Variants in KCNN1 observed in about 807,000 individuals in gnomAD.
KCNN1 encodes small conductance calcium-activated potassium channel protein 1.
In KCNN1, 20 loss-of-function variants were observed where a neutral mutation model predicts 44.7. That is an observed-to-expected ratio of 0.45 (90% CI 0.32 to 0.65). KCNN1 has a LOEUF of 0.65. Among genes scored for constraint, KCNN1 ranks in the 30% least tolerant of loss-of-function variants. KCNN1 has a pLI of 0.05. For synonymous variants in KCNN1, 324 were observed against 341.7 expected, an observed-to-expected ratio of 0.95 and a Z score of 0.57; for missense variants, 632 against 785.3, an observed-to-expected ratio of 0.80 and a Z score of 2.33.
At chr19:17,967,953 G>T (rs1289071607) in intron 1 of KCNN1, among the ~76,000 whole-genome samples, 1 of 151,976 alleles carries the variant, frequency 6.6e-6, no homozygotes, top group East Asian at 1.9e-4. Flanking sequence ...GGGTGGTGAT[G>T]GGGGGATCGG....
intron 5 of KCNN1, among the ~76,000 whole-genome samples, chr19:17,986,350 T>G (rs1599370152): frequency 1.4e-5 from 2 of 140,486 alleles, no homozygotes; most frequent in East Asian, 4.1e-4. Flanking sequence ...GCAACCAGAG[T>G]GAACTAAGTC....
At chr19:17,967,708 T>TCA (rs1308631588) in intron 1 of KCNN1, among the ~76,000 whole-genome samples, 3 of 151,756 alleles carry the variant, frequency 2.0e-5, no homozygotes, top group Non-Finnish European at 4.4e-5. Context: ...GTTGGGGCAC[T>TCA]CAGGGAGGGG....
intron 9 of KCNN1, among the ~76,000 whole-genome samples, chr19:17,997,481 C>T (rs1261656910): frequency 2.6e-5 from 4 of 152,322 alleles, no homozygotes; most frequent in South Asian, 2.1e-4. Context: ...TTTCCCAGGC[C>T]TGCCAGCCCT....
At chr19:17,990,410 C>T (rs988768422) in intron 7 of KCNN1, among the ~76,000 whole-genome samples, 6 of 148,432 alleles carry the variant, frequency 4.0e-5, no homozygotes, top group Admixed American at 6.8e-5. Context: ...CTTGAGTCTG[C>T]AGGGTCAAGG....
intron 2 of KCNN1, among the ~76,000 whole-genome samples, chr19:17,958,960 A>G (rs894313831): frequency 9.3e-5 from 14 of 150,040 alleles, no homozygotes; most frequent in African/African-American, 3.5e-4. Flanking sequence ...TCGGCCTCCT[A>G]AAGTGCTGGG....
At position 17,981,842 on chromosome 19, in the gene KCNN1, C is replaced by T. The variant is rs1472788786; in HGVS notation, c.632C>T (p.Ala211Val). 2.5e-6 allele frequency: 4 copies of T among 1,612,640 alleles called. No individual in the cohort carries two copies. The highest frequency in any genetic ancestry group is 2.2e-5 in the South Asian group (2 of 90,932). ...VPGHYRFTWT[A>V]RLAFTYAPSV... The stretch of plus-strand genomic sequence containing the variant: ...GGCCACTACCGCTTCACGTGGACGG[C>T]GCGGCTGGCCTTCACGTACGCGCCC... The change falls in exon 4 of 10, where the codon GCG becomes GTG. Residue 211 changes from alanine to valine, a missense_variant. Around this residue, in one of 3 missense-constraint regions of KCNN1, gnomAD observed 160 missense variants for 308.3 expected, o/e 0.52. Coordinates refer to ENST00000684775, the MANE Select transcript of KCNN1 (RefSeq NM_001386974.1).
chr19:17,990,441 G>A (rs1223167005), intron 7 of KCNN1, among the ~76,000 whole-genome samples: 5 of 149,092 alleles, frequency 3.4e-5, no homozygotes, highest in African/African-American at 7.5e-5. Flanking sequence ...CCATGATTGC[G>A]CCACTGCACT....
At position 17,982,138 on chromosome 19, in the gene KCNN1, C is replaced by T. The variant is rs1439032477; in HGVS notation, c.917+11C>T. On this transcript the variant is annotated intron_variant, in intron 4 of 9. Transcript: ENST00000684775. ...GCGCGTCTGCGAGAGGTGCGACCGC[C>T]GCCCCTGGAGCCCCCCCAGCCCCCA... The T allele has an allele frequency of 1.1e-5, 17 of 1,510,044 alleles. No individual in the cohort carries two copies. The highest frequency in any genetic ancestry group is 8.2e-5 in the African/African-American group (6 of 73,138). 93.5% of individuals were successfully genotyped at this position (1,510,044 alleles called of 1,614,324 possible).
chr19:17,992,682 G>T (rs1327863139), intron 7 of KCNN1, among the ~76,000 whole-genome samples: 1 of 152,196 alleles, frequency 6.6e-6, no homozygotes, highest in Non-Finnish European at 1.5e-5. Context: ...AGAGACCAGG[G>T]TCACCAGTGC....
chr19:17,968,089 G>C (rs1333566351), intron 1 of KCNN1, among the ~76,000 whole-genome samples: 1 of 142,564 alleles, frequency 7.0e-6, no homozygotes, highest in African/African-American at 2.6e-5. Context: ...GGAAGGGAGG[G>C]GTGGGGGTGG....
At chr19:17,953,138 G>A (rs940445506) in intron 1 of KCNN1, among the ~76,000 whole-genome samples, 1 of 152,170 alleles carries the variant, frequency 6.6e-6, no homozygotes, top group African/African-American at 2.4e-5. Context: ...CTCTTCCGGG[G>A]CTCCCAGATC....
At chr19:17,984,483 G>A (rs2032527276) in intron 4 of KCNN1, among the ~76,000 whole-genome samples, 1 of 152,138 alleles carries the variant, frequency 6.6e-6, no homozygotes, top group Non-Finnish European at 1.5e-5. Flanking sequence ...CTAAGCCCTG[G>A]GAAGGAGTGG....
At chr19:17,975,236 TC>T in intron 3 of KCNN1, 49 bp downstream of exon 3, 1 of 1,381,752 alleles carries the variant, frequency 7.2e-7, no homozygotes, top group Non-Finnish European at 1.0e-6. Context: ...AAACCCCAGA[TC>T]CCCCCACACC....
At chr19:17,966,949 ACCAG>A (rs1456199537), upstream of KCNN1, among the ~76,000 whole-genome samples, 2 of 146,484 alleles carry the variant, frequency 1.4e-5, no homozygotes, top group Non-Finnish European at 3.0e-5. Context: ...GAGTTCGAAG[ACCAG>A]CCGCATGCCG....
At chr19:17,973,384 G>A (rs1282287380) in intron 1 of KCNN1, among the ~76,000 whole-genome samples, 1 of 152,170 alleles carries the variant, frequency 6.6e-6, no homozygotes, top group African/African-American at 2.4e-5. Context: ...GGGTTCAAGC[G>A]ATTCTTCTGC....
intron 4 of KCNN1, among the ~76,000 whole-genome samples, chr19:17,984,739 TAGC>T (rs1242899477): frequency 6.6e-6 from 1 of 152,018 alleles, no homozygotes; most frequent in Non-Finnish European, 1.5e-5. Flanking sequence ...GTCCCAAATA[TAGC>T]CCCAGGCATC....
At chr19:17,971,565 C>A (rs899679269) in intron 1 of KCNN1, among the ~76,000 whole-genome samples, 7 of 152,020 alleles carry the variant, frequency 4.6e-5, no homozygotes, top group African/African-American at 1.7e-4. Flanking sequence ...CGGGTTCAAG[C>A]GATTCTCCTG....
intron 6 of KCNN1, 111 bp from the exon 7 acceptor site, chr19:17,989,605 C>T (rs969312465): frequency 6.6e-7 from 1 of 1,513,516 alleles, no homozygotes; most frequent in African/African-American, 1.4e-5. Context: ...CCCAGGGACC[C>T]TGAGAGGCAT....
intron 2 of KCNN1, among the ~76,000 whole-genome samples, chr19:17,958,336 TA>T (rs2031592664): frequency 6.6e-6 from 1 of 151,614 alleles, no homozygotes; most frequent in Non-Finnish European, 1.5e-5. Flanking sequence ...AAAAAATAGC[TA>T]GGCATGGTAG....
Sources: allele counts gnomAD v4.1 joint callset (sites outside exome capture counted in the v4.1 genomes callset), GRCh38; gene constraint gnomAD v4.1.1; regional missense constraint gnomAD v4.1.1; transcripts MANE v1.5; gene names NCBI Gene and HGNC (gene_info 2026-07-23, HGNC 2026-07-21).